The following KCNN2 variants were observed in gnomAD, a reference collection of about 807,000 sequenced individuals.
KCNN2 encodes potassium calcium-activated channel subfamily N member 2.
A neutral mutation model predicts 55.5 loss-of-function variants in KCNN2; 24 were observed. The ratio of observed to expected loss-of-function variants is 0.43; its 90% CI spans 0.31 to 0.61. The LOEUF is 0.61. KCNN2 is among the 20% of genes least tolerant of loss of function. The pLI, the probability that KCNN2 is intolerant of heterozygous loss-of-function variation, is 0.08. For synonymous variants in KCNN2, 431 were observed against 336.1 expected (o/e 1.28, Z -3.09); for missense variants, 754 against 853.6 (o/e 0.88, Z 1.45).
intron 6 of KCNN2, 28 bp downstream of exon 6, chr5:114,487,205 G>C: frequency 1.9e-6 from 3 of 1,606,016 alleles, no homozygotes; most frequent in Non-Finnish European, 2.6e-6. Context: ...TTTTTATCCT[G>C]TTGTTGTGTC....
intron 1 of KCNN2, among the ~76,000 whole-genome samples, chr5:114,099,065 C>A (rs1387951624): frequency 6.6e-6 from 1 of 152,074 alleles, no homozygotes; most frequent in Admixed American, 6.6e-5. Context: ...AGGCTTTTCT[C>A]CAAAGGATTG....
At chr5:114,056,367 C>T (rs970180089) in exon 1 of KCNN2, 13 of 398,504 alleles carry the variant, frequency 3.3e-5, no homozygotes, top group Non-Finnish European at 5.8e-5. Flanking sequence ...CAGTTTCTCC[C>T]GGTGAACCTG....
At chr5:114,358,313 T>C (rs1159899060), upstream of KCNN2, among the ~76,000 whole-genome samples, 3 of 152,104 alleles carry the variant, frequency 2.0e-5, no homozygotes, top group Non-Finnish European at 2.9e-5. Context: ...GATGAAGTTT[T>C]TTTCCCAAGC....
At chr5:114,350,627 G>T (rs894096266) in intron 2 of KCNN2, among the ~76,000 whole-genome samples, 2 of 151,780 alleles carry the variant, frequency 1.3e-5, no homozygotes, top group African/African-American at 2.4e-5. Flanking sequence ...GAGTTAATTT[G>T]TTTGCATTGT....
intron 1 of KCNN2, among the ~76,000 whole-genome samples, chr5:114,083,371 G>C (rs1750865431): frequency 6.6e-6 from 1 of 151,704 alleles, no homozygotes; most frequent in Middle Eastern, 3.4e-3. Flanking sequence ...TTTCTTTCTT[G>C]AATAAGGGTT....
At chr5:114,270,977 G>A (rs1755318662) in intron 2 of KCNN2, among the ~76,000 whole-genome samples, 1 of 152,146 alleles carries the variant, frequency 6.6e-6, no homozygotes, top group Non-Finnish European at 1.5e-5. Flanking sequence ...CCCTTTATGA[G>A]TGAGCAGCCC....
intron 2 of KCNN2, among the ~76,000 whole-genome samples, chr5:114,323,242 C>T (rs1580721803): frequency 3.3e-5 from 5 of 152,194 alleles, no homozygotes; most frequent in Admixed American, 6.6e-5. Flanking sequence ...TTAAGAGCAT[C>T]GTCTCTGGAG....
chr5:114,199,627 G>T (rs1366152965), intron 1 of KCNN2, among the ~76,000 whole-genome samples: 12 of 151,072 alleles, frequency 7.9e-5, no homozygotes, highest in Non-Finnish European at 1.3e-4. Flanking sequence ...TTTTTATGTG[G>T]CTTTTATTGT....
intron 1 of KCNN2, among the ~76,000 whole-genome samples, chr5:114,174,209 C>T (rs1418582183): frequency 1.3e-5 from 2 of 152,034 alleles, no homozygotes; most frequent in African/African-American, 4.8e-5. Flanking sequence ...AATTTTGTCC[C>T]CCAGTATAAC....
intron 1 of KCNN2, among the ~76,000 whole-genome samples, chr5:114,215,720 C>T (rs1299764494): frequency 6.6e-6 from 1 of 152,054 alleles, no homozygotes; most frequent in Non-Finnish European, 1.5e-5. Flanking sequence ...CAATAATCGA[C>T]TGTTTTCTTA....
chr5:114,387,694 A>G (rs1444956694), intron 2 of KCNN2, among the ~76,000 whole-genome samples: 2 of 152,138 alleles, frequency 1.3e-5, no homozygotes, highest in South Asian at 2.1e-4. Flanking sequence ...TTTCAGCTCC[A>G]ATAGAGCCTC....
At chr5:114,334,972 G>A (rs1023645739) in intron 2 of KCNN2, among the ~76,000 whole-genome samples, 1 of 152,100 alleles carries the variant, frequency 6.6e-6, no homozygotes, top group Non-Finnish European at 1.5e-5. Flanking sequence ...CGCCCAGGCT[G>A]GAGTGCAGTG....
At chr5:114,295,792 C>T (rs559020255) in intron 2 of KCNN2, among the ~76,000 whole-genome samples, 6 of 152,324 alleles carry the variant, frequency 3.9e-5, no homozygotes, top group Admixed American at 1.3e-4. Context: ...TCTTCTGTGT[C>T]GCTCACACTG....
At chr5:114,388,468 CA>C (rs1336749177) in intron 2 of KCNN2, among the ~76,000 whole-genome samples, 1 of 152,178 alleles carries the variant, frequency 6.6e-6, no homozygotes, top group Non-Finnish European at 1.5e-5. Context: ...CTCCTTCCAT[CA>C]TACTATTGAT....
At chr5:114,386,235 A>G (rs1462805029) in intron 2 of KCNN2, among the ~76,000 whole-genome samples, 1 of 152,000 alleles carries the variant, frequency 6.6e-6, no homozygotes, top group Admixed American at 6.6e-5. Flanking sequence ...GACTTGCTCA[A>G]AATCACACTG....
In KCNN2 at chr5:114,473,042, CCTT is replaced by C; in HGVS notation, c.1780-11_1780-9del. The C allele has an allele frequency of 6.4e-7, 1 of 1,566,124 alleles. No homozygotes were observed. Among genetic ancestry groups the C allele is most frequent in the Non-Finnish European group, 8.7e-7 (1 of 1,143,434 alleles). On this transcript the variant is annotated splice_polypyrimidine_tract_variant and intron_variant, in intron 4 of 7. Transcript: ENST00000673685. ...GTAATGCTTTGGGTTTCTCTTCTCTCCTTGTTTTCAGGGTGCTGGTTGCACAGC... is the reference window on the plus strand; with the variant it reads ...GTAATGCTTTGGGTTTCTCTTCTCTCGTTTTCAGGGTGCTGGTTGCACAGC...
chr5:114,169,708 G>A (rs546673698), intron 1 of KCNN2, among the ~76,000 whole-genome samples: 3 of 152,134 alleles, frequency 2.0e-5, no homozygotes, highest in South Asian at 2.1e-4. Context: ...TGAGAAGTGA[G>A]GTAGAAAGAG....
At chr5:114,148,453 T>C (rs986889450) in intron 1 of KCNN2, among the ~76,000 whole-genome samples, 2 of 152,032 alleles carry the variant, frequency 1.3e-5, no homozygotes, top group African/African-American at 4.8e-5. Flanking sequence ...TGTTTGGAAA[T>C]TGGCCACTGC....
At chr5:114,294,192 T>C (rs1755958982) in intron 2 of KCNN2, among the ~76,000 whole-genome samples, 1 of 152,302 alleles carries the variant, frequency 6.6e-6, no homozygotes, top group Admixed American at 6.5e-5. Flanking sequence ...CTCTATTTCC[T>C]TCAGTTCTGC....
Sources: allele counts gnomAD v4.1 joint callset (sites outside exome capture counted in the v4.1 genomes callset), GRCh38; gene constraint gnomAD v4.1.1; transcripts MANE v1.5; gene names NCBI Gene and HGNC (gene_info 2026-07-23, HGNC 2026-07-21).